Variants in TTLL1 observed in about 807,000 individuals in gnomAD.
TTLL1 encodes polyglutamylase complex subunit TTLL1.
TTLL1 carries 33 observed loss-of-function variants against 47.8 expected under a neutral mutation model. The observed-to-expected ratio is 0.69, with a 90% confidence interval of 0.52 to 0.92. The LOEUF (loss-of-function observed/expected upper bound fraction) is 0.92, where lower values mean the gene tolerates loss of function less well. TTLL1 is among the 40% of genes least tolerant of loss of function. The pLI is 0.00. For synonymous variants in TTLL1, 225 were observed against 214.1 expected (o/e 1.05, Z -0.45); for missense variants, 488 against 547.5 (o/e 0.89, Z 1.08).
chr22:43,083,937 A>C (rs574774489), intron 1 of TTLL1, among the ~76,000 whole-genome samples: 2 of 152,290 alleles, frequency 1.3e-5, no homozygotes, highest in South Asian at 4.1e-4. Context: ...GAGCCAACTG[A>C]GATTTAACAA....
chr22:43,081,940 C>T (rs1011296446), intron 1 of TTLL1, among the ~76,000 whole-genome samples: 1 of 64,060 alleles, frequency 1.6e-5, no homozygotes, highest in Non-Finnish European at 3.8e-5. Context: ...ACCTCCGCCT[C>T]CTGGGATCAA....
intron 8 of TTLL1, 164 bp from the exon 9 acceptor site, chr22:43,052,051 G>A (rs1483731988): frequency 6.2e-6 from 4 of 643,464 alleles, no homozygotes; most frequent in East Asian, 2.7e-5. Flanking sequence ...TCTTCCTCCC[G>A]CAGAGCTCAG....
intron 1 of TTLL1, among the ~76,000 whole-genome samples, chr22:43,088,324 C>CTTTTTTTTTTTTTTTTTT (rs1167618669): frequency 1.2e-4 from 7 of 56,490 alleles, no homozygotes; most frequent in African/African-American, 5.1e-4. Context: ...AAGGGCCCAT[C>CTTTTTTTTTTTTTTTTTT]TTTTTTTTTT....
chr22:43,060,247 A>C (rs1199376573), intron 7 of TTLL1, among the ~76,000 whole-genome samples: 1 of 152,176 alleles, frequency 6.6e-6, no homozygotes, highest in Non-Finnish European at 1.5e-5. Context: ...TCATTCTTCT[A>C]GCTGAGACCC....
At chr22:43,087,547 C>G (rs1452341967) in intron 1 of TTLL1, among the ~76,000 whole-genome samples, 2 of 146,272 alleles carry the variant, frequency 1.4e-5, no homozygotes, top group Non-Finnish European at 3.0e-5. Context: ...AAAAGAAATA[C>G]AGATTCTTAG....
At chr22:43,040,046 C>CCCACCCA in intron 10 of TTLL1, 141 bp from the exon 11 acceptor site, 1 of 1,162,410 alleles carries the variant, frequency 8.6e-7, no homozygotes, top group Non-Finnish European at 1.2e-6. Flanking sequence ...CCTGCTGGCT[C>CCCACCCA]CCGCCCACCT....
Position 43,039,583 on chromosome 22 carries a change from C to A in TTLL1, c.*193G>T, listed in dbSNP as rs114421094. The A allele has an allele frequency of 2.9e-3, 1,531 of 530,094 alleles. 15 individuals carry two copies. Among genetic ancestry groups the A allele is most frequent in the African/African-American group, 0.022 (1,050 of 47,382 alleles). The allele number at this position is 530,094 out of a possible 1,614,324, so 32.8% of individuals were successfully genotyped here. On this transcript the variant is annotated 3_prime_UTR_variant, in exon 11 of 11. Coordinates refer to ENST00000266254, the MANE Select transcript of TTLL1 (RefSeq NM_012263.5). ...AGGTTAAAAATTAAAAAAAAAAGAGCGAGTTTTATACATCCGCATGAATTG... is the reference window on the plus strand; with the variant it reads ...AGGTTAAAAATTAAAAAAAAAAGAGAGAGTTTTATACATCCGCATGAATTG...
chr22:43,040,144 CTTG>C (rs1925550397), intron 10 of TTLL1: 3 of 477,748 alleles, frequency 6.3e-6, no homozygotes, highest in Non-Finnish European at 1.1e-5. Context: ...TGTGTACAAC[CTTG>C]TTGTTATTGT....
chr22:43,058,701 T>G (rs9611992), intron 8 of TTLL1, among the ~76,000 whole-genome samples: 12,183 of 143,950 alleles, frequency 0.085, 680 homozygotes, highest in Non-Finnish European at 0.13. Flanking sequence ...TTTGTTTTTT[T>G]TTTTGTTTTT....
chr22:43,084,962 C>CTTTTTTTTT lies in TTLL1; in HGVS notation c.-90+4306_-90+4314dup, dbSNP rs148980685. On this transcript the variant is annotated intron_variant, in intron 1 of 10. Coordinates refer to ENST00000266254, the MANE Select transcript of TTLL1 (RefSeq NM_012263.5). Reference sequence around the variant, plus strand: ...CATCATTAAGAACAAAAGCTGCCACCTTTTTTTTTTTTTTTTTTTTTTTGA... The same window carrying CTTTTTTTTT: ...CATCATTAAGAACAAAAGCTGCCACCTTTTTTTTTTTTTTTTTTTTTTTTTTTTTTTTGA... 5.5e-4 allele frequency among the ~76,000 whole-genome samples: 62 copies of CTTTTTTTTT among 112,746 alleles called. 1 individual carries two copies. The highest frequency in any genetic ancestry group is 2.1e-3 in the African/African-American group (56 of 26,878). The allele number at this position is 112,746 out of a possible 152,430, so 74.0% of individuals were successfully genotyped here.
intron 9 of TTLL1, among the ~76,000 whole-genome samples, chr22:43,047,864 C>T (rs1926267340): frequency 6.6e-6 from 1 of 152,160 alleles, no homozygotes; most frequent in African/African-American, 2.4e-5. Context: ...AATTTGTAAG[C>T]TGTTTACATT....
intron 1 of TTLL1, among the ~76,000 whole-genome samples, chr22:43,080,272 C>G (rs1928790781): frequency 6.6e-6 from 1 of 152,018 alleles, no homozygotes; most frequent in South Asian, 2.1e-4. Flanking sequence ...CCAGGCTGGT[C>G]TCAAACTCCC....
intron 9 of TTLL1, among the ~76,000 whole-genome samples, chr22:43,046,817 A>C (rs1926178373): frequency 6.6e-6 from 1 of 151,984 alleles, no homozygotes; most frequent in Non-Finnish European, 1.5e-5. Context: ...CTACAGGCAC[A>C]CACCAACACG....
intron 2 of TTLL1, among the ~76,000 whole-genome samples, chr22:43,076,283 C>T (rs977320772): frequency 1.4e-4 from 21 of 151,692 alleles, no homozygotes; most frequent in Admixed American, 1.1e-3. Context: ...TGGTGAAACC[C>T]CATCTCTACT....
intron 5 of TTLL1, among the ~76,000 whole-genome samples, chr22:43,064,779 G>C (rs1927620831): frequency 6.6e-6 from 1 of 151,854 alleles, no homozygotes; most frequent in African/African-American, 2.4e-5. Context: ...ATCTGTGGTT[G>C]CCACAGACTA....
In TTLL1 at chr22:43,039,672, A is replaced by G; in HGVS notation, c.*104T>C. 1.4e-6 allele frequency: 2 copies of G among 1,390,162 alleles called. No homozygotes were observed. Among genetic ancestry groups the G allele is most frequent in the South Asian group, 1.8e-5 (1 of 56,614 alleles). 86.1% of individuals were successfully genotyped at this position (1,390,162 alleles called of 1,614,324 possible). ...CAAAGAAGTGCCTTCGTTTATTTACAGGGCTTAGGAAAGGAAAAAAGCTCT... is the reference window on the plus strand; with the variant it reads ...CAAAGAAGTGCCTTCGTTTATTTACGGGGCTTAGGAAAGGAAAAAAGCTCT... On this transcript the variant is annotated 3_prime_UTR_variant, in exon 11 of 11. Coordinates refer to ENST00000266254, the MANE Select transcript of TTLL1 (RefSeq NM_012263.5).
intron 1 of TTLL1, among the ~76,000 whole-genome samples, chr22:43,088,645 G>A (rs1929410975): frequency 6.6e-6 from 1 of 151,940 alleles, no homozygotes; most frequent in East Asian, 1.9e-4. Context: ...GCCCGGCCGG[G>A]GCCCATCTTT....
At chr22:43,054,675 C>T (rs1056482369) in intron 8 of TTLL1, among the ~76,000 whole-genome samples, 19 of 151,168 alleles carry the variant, frequency 1.3e-4, no homozygotes, top group African/African-American at 4.1e-4. Flanking sequence ...CCACCCACCT[C>T]GCCCTCCCAA....
chr22:43,070,985 G>A (rs549948216), intron 3 of TTLL1, among the ~76,000 whole-genome samples: 8 of 152,060 alleles, frequency 5.3e-5, no homozygotes, highest in Non-Finnish European at 7.4e-5. Flanking sequence ...TGATCTCGCC[G>A]CACTGCAACC....
Sources: allele counts gnomAD v4.1 joint callset (sites outside exome capture counted in the v4.1 genomes callset), GRCh38; gene constraint gnomAD v4.1.1; transcripts MANE v1.5; gene names NCBI Gene and HGNC (gene_info 2026-07-23, HGNC 2026-07-21).